Variants in GOPC observed in about 807,000 individuals in gnomAD.
The protein encoded by GOPC is golgi associated PDZ and coiled-coil motif containing.
Under a neutral mutation model 51.2 loss-of-function variants are expected in GOPC, and 32 were observed. That is an observed-to-expected ratio of 0.63 (90% CI 0.47 to 0.84). The LOEUF (loss-of-function observed/expected upper bound fraction) is 0.84. GOPC is among the 40% of genes least tolerant of loss of function. The pLI is 0.00. For synonymous variants in GOPC, 190 were observed against 205.1 expected, an observed-to-expected ratio of 0.93 and a Z score of 0.63; for missense variants, 441 against 555.5, an observed-to-expected ratio of 0.79 and a Z score of 2.07.
At chr6:117,563,544 A>G (rs1779630973) in intron 8 of GOPC, among the ~76,000 whole-genome samples, 160 bp from the exon 9 acceptor site, 1 of 152,084 alleles carries the variant, frequency 6.6e-6, no homozygotes, top group Non-Finnish European at 1.5e-5. Flanking sequence ...CAATGTGGTG[A>G]AACCCCGTCT....
At chr6:117,576,112 T>C (rs1779877869) in intron 3 of GOPC, among the ~76,000 whole-genome samples, 1 of 152,110 alleles carries the variant, frequency 6.6e-6, no homozygotes, top group South Asian at 2.1e-4. Flanking sequence ...TCAAAATAGA[T>C]ATATTTGAAT....
rs536938985 is a variant in GOPC at position 117,573,487 on chromosome 6, T to C, written c.796A>G (p.Met266Val). ...CRGRNDLKRPMQAPPGHDQDS... is the reference protein window; with the variant it reads ...CRGRNDLKRPVQAPPGHDQDS... ...CATACATGGCCTGGTGGTGCTTGCA[T>C]TGGTCGTTTCAAGTCATTACGTCCT... The change falls in exon 5 of 9, where the codon ATG (methionine) becomes GTG (valine). Residue 266 changes from methionine (M) to valine (V), a missense_variant. Physicochemically the swap from Met to Val is conservative, Grantham distance 21 (BLOSUM62 1). Coordinates refer to ENST00000368498, the MANE Select transcript of GOPC (RefSeq NM_020399.4). 2.5e-6 allele frequency: 4 copies of C among 1,613,920 alleles called. No homozygotes were observed. In the African/African-American group the frequency reaches 4.0e-5, roughly 16 times the overall value.
chr6:117,601,681 G>T (rs892266591), intron 1 of GOPC, among the ~76,000 whole-genome samples: 20 of 152,202 alleles, frequency 1.3e-4, no homozygotes, highest in Non-Finnish European at 2.9e-4. Context: ...TTGTCAAAAG[G>T]TGGCCTACGG....
chr6:117,588,946 AGTAGGGGTAG>A (rs1408090226), intron 1 of GOPC, among the ~76,000 whole-genome samples: 1 of 152,076 alleles, frequency 6.6e-6, no homozygotes, highest in Non-Finnish European at 1.5e-5. Context: ...CACCATATAG[AGTAGGGGTAG>A]GCAATCTTTT....
At chr6:117,570,589 T>C (rs991962508) in intron 6 of GOPC, among the ~76,000 whole-genome samples, 2 of 152,000 alleles carry the variant, frequency 1.3e-5, no homozygotes, top group Non-Finnish European at 2.9e-5. Flanking sequence ...CAAGGGCTCC[T>C]AGAGGCATCA....
At position 117,563,357 on chromosome 6, in the gene GOPC, G is replaced by A; in HGVS notation, c.1286C>T (p.Thr429Ile). 6.2e-7 allele frequency: 1 copy of A among 1,613,528 alleles called. No homozygotes were observed. The highest frequency in any genetic ancestry group is 8.5e-7 in the Non-Finnish European group (1 of 1,179,668). Residue 429 changes from threonine (T) to isoleucine (I), a missense_variant, in exon 9 of 9, where the codon ACA becomes ATA. By Grantham distance (89) the Thr-to-Ile change is moderately conservative. Coordinates refer to ENST00000368498, the MANE Select transcript of GOPC (RefSeq NM_020399.4). ...QGFNKKAVTDTHENGDLGTAS... is the reference protein window; with the variant it reads ...QGFNKKAVTDIHENGDLGTAS... ...AGTGCCCAGGTCTCCATTTTCATGTGTGTCAGTTACTGCCTTCTTATTAAA... is the reference window on the plus strand; with the variant it reads ...AGTGCCCAGGTCTCCATTTTCATGTATGTCAGTTACTGCCTTCTTATTAAA...
chr6:117,574,870 G>A (rs1779856695), intron 4 of GOPC, among the ~76,000 whole-genome samples: 1 of 152,158 alleles, frequency 6.6e-6, no homozygotes, highest in South Asian at 2.1e-4. Flanking sequence ...CACAAGGTCA[G>A]GAGTTTGAGA....
intron 2 of GOPC, among the ~76,000 whole-genome samples, 171 bp downstream of exon 2, chr6:117,578,729 T>C (rs1295430674): frequency 6.6e-6 from 1 of 152,106 alleles, no homozygotes; most frequent in African/African-American, 2.4e-5. Context: ...TGATTATCTA[T>C]AGGTGATGAG....
At chr6:117,571,150 T>C (rs1473791095) in intron 5 of GOPC, among the ~76,000 whole-genome samples, 195 bp from the exon 6 acceptor site, 3 of 152,156 alleles carry the variant, frequency 2.0e-5, no homozygotes, top group South Asian at 2.1e-4. Context: ...AATTTATAGA[T>C]GATATTCTCA....
chr6:117,572,854 ATC>A (rs1269017087), intron 5 of GOPC, among the ~76,000 whole-genome samples: 2 of 152,244 alleles, frequency 1.3e-5, no homozygotes, highest in Non-Finnish European at 2.9e-5. Flanking sequence ...GCCATACATT[ATC>A]TGGTACTAAG....
At chr6:117,587,122 CT>C (rs1318644316) in intron 1 of GOPC, among the ~76,000 whole-genome samples, 9 of 152,154 alleles carry the variant, frequency 5.9e-5, no homozygotes. Context: ...CAGGTCAGCT[CT>C]TGAAGCAGTT....
chr6:117,583,694 C>T (rs1012453529), intron 1 of GOPC, among the ~76,000 whole-genome samples: 1 of 152,098 alleles, frequency 6.6e-6, no homozygotes, highest in Non-Finnish European at 1.5e-5. Flanking sequence ...TGTATCTTTG[C>T]TCTAATGATT....
intron 4 of GOPC, 102 bp downstream of exon 4, chr6:117,575,069 ACTCCAT>A: frequency 1.2e-6 from 1 of 833,648 alleles, no homozygotes; most frequent in East Asian, 2.7e-5. Context: ...ACAGAGCAAG[ACTCCAT>A]CTCAAAAAAA....
chr6:117,564,596 G>A (rs1409468940), intron 8 of GOPC, among the ~76,000 whole-genome samples: 1 of 152,010 alleles, frequency 6.6e-6, no homozygotes, highest in African/African-American at 2.4e-5. Context: ...ATAACCAATA[G>A]ATACATTTTT....
chr6:117,578,326 G>A (rs551310502), intron 2 of GOPC, among the ~76,000 whole-genome samples: 2 of 152,210 alleles, frequency 1.3e-5, no homozygotes, highest in East Asian at 3.9e-4. Flanking sequence ...TTTAAAGAAG[G>A]CTAACATCAT....
At chr6:117,587,478 A>G (rs1053603013) in intron 1 of GOPC, among the ~76,000 whole-genome samples, 4 of 151,934 alleles carry the variant, frequency 2.6e-5, no homozygotes, top group African/African-American at 9.7e-5. Context: ...CATTTCTTAA[A>G]AAAACCAACC....
rs541230928 is a variant in GOPC at position 117,573,739 on chromosome 6, G to A, written c.651-107C>T. The A allele has an allele frequency of 3.3e-4, 289 of 873,232 alleles. 2 individuals carry two copies. In the South Asian group the frequency reaches 5.0e-3, roughly 15 times the overall value. The allele number at this position is 873,232 out of a possible 1,614,324, so 54.1% of individuals were successfully genotyped here. A position where few individuals can be genotyped will look rare whatever the true frequency, so the allele number is the denominator to read the frequency against. ...GCTTTTGCATGAATCTCAAATTAGT[G>A]ATAAAACTAATACTCACGAACTTCT... On this transcript the variant is annotated intron_variant, in intron 4 of 8. Coordinates refer to ENST00000368498, the MANE Select transcript of GOPC (RefSeq NM_020399.4).
intron 1 of GOPC, among the ~76,000 whole-genome samples, chr6:117,582,189 G>A (rs973824313): frequency 1.1e-4 from 17 of 150,604 alleles, no homozygotes; most frequent in African/African-American, 4.2e-4. Flanking sequence ...TATTTTTCTA[G>A]AGAGTTGTCC....
At chr6:117,580,584 G>GT (rs2114616092) in intron 1 of GOPC, among the ~76,000 whole-genome samples, 1 of 152,160 alleles carries the variant, frequency 6.6e-6, no homozygotes, top group African/African-American at 2.4e-5. Context: ...TATGCCCTAA[G>GT]TGACATTTTT....
Sources: gnomAD v4.1 joint callset for allele counts (sites outside exome capture counted in the v4.1 genomes callset) on GRCh38, gnomAD v4.1.1 for gene constraint, MANE v1.5 for transcripts, NCBI Gene and HGNC (gene_info 2026-07-23, HGNC 2026-07-21) for gene names.